TEP1: variants seen among roughly 807,000 people sequenced by gnomAD.
TEP1 encodes telomerase protein component 1.
TEP1 carries 241 observed loss-of-function variants against 306.3 expected under a neutral mutation model. That is an observed-to-expected ratio of 0.79 (90% CI 0.71 to 0.88). TEP1 has a LOEUF of 0.88. TEP1 is among the 40% of genes least tolerant of loss of function. The pLI is 0.00. For synonymous variants in TEP1, 1,289 were observed against 1,305.5 expected (o/e 0.99, Z 0.27); for missense variants, 3,051 against 3,276.1 (o/e 0.93, Z 1.68).
intron 1 of TEP1, among the ~76,000 whole-genome samples, chr14:20,412,515 A>C (rs963036555): frequency 1.3e-4 from 20 of 152,280 alleles, no homozygotes; most frequent in African/African-American, 4.8e-4. Flanking sequence ...GTTTTATACT[A>C]ACAGTTTCAC....
At chr14:20,369,959 G>T (rs1884735307) in intron 51 of TEP1, among the ~76,000 whole-genome samples, 180 bp from the exon 52 acceptor site, 1 of 150,376 alleles carries the variant, frequency 6.6e-6, no homozygotes. Flanking sequence ...TGTCGCCCAG[G>T]CTGGAGTGCA....
chr14:20,396,700 A>T lies in TEP1; in HGVS notation c.1580T>A (p.Leu527His). The T allele has an allele frequency of 6.2e-7, 1 of 1,611,396 alleles. No homozygotes were observed. Among genetic ancestry groups the T allele is most frequent in the Non-Finnish European group, 8.5e-7 (1 of 1,177,900 alleles). Residue 527 changes from leucine to histidine, a missense_variant, in exon 10 of 55, where the codon CTT becomes CAT. Leu to His is a moderately conservative substitution (Grantham distance 99, BLOSUM62 -3). This residue lies in a region of TEP1 where 1,507 missense variants were observed against 1,550.5 expected (regional missense o/e 0.97). Transcript: ENST00000262715. ...ENGKLPFMAM[L>H]RNLCNLLRVG... ...CCGCAGCAGGTTGCACAGGTTCCGA[A>T]GCATGGCCATGAAGGGAAGCTTCCC...
chr14:20,391,548 CCCAGCAT>C, intron 13 of TEP1, 44 bp downstream of exon 13: 1 of 1,570,266 alleles, frequency 6.4e-7, no homozygotes, highest in Non-Finnish European at 8.7e-7. Flanking sequence ...GCTCAGGATC[CCCAGCAT>C]TCTACCAACC....
In TEP1 at chr14:20,377,306, GA is replaced by G; in HGVS notation, c.6061del (p.Ser2021ProfsTer22). 6.2e-7 allele frequency: 1 copy of G among 1,613,664 alleles called. No homozygotes were observed. Among genetic ancestry groups the G allele is most frequent in the Non-Finnish European group, 8.5e-7 (1 of 1,179,592 alleles). On this transcript the variant is annotated frameshift_variant, in exon 41 of 55. Transcript: ENST00000262715. LOFTEE classifies it high-confidence loss of function. ...FQKPVLGLATSQELLASASED... is the reference protein window; with the variant it reads ...FQKPVLGLATXQELLASASED... ...TGAGGCAGAAGCCAAGAGCTCCTGG[GA>G]AGTGGCCAGTCCTAGCACAGGCTTC...
At chr14:20,379,855 T>G (rs1885421399) in intron 35 of TEP1, 75 bp downstream of exon 35, 2 of 1,525,046 alleles carry the variant, frequency 1.3e-6, no homozygotes, top group South Asian at 2.6e-5. Context: ...CAGGTGTGTT[T>G]GGCTCATCTA....
At chr14:20,389,802 A>G in intron 15 of TEP1, 62 bp from the exon 16 acceptor site, 2 of 1,595,438 alleles carry the variant, frequency 1.3e-6, no homozygotes, top group Non-Finnish European at 1.7e-6. Flanking sequence ...GGACATTAAG[A>G]TATGAGCTTT....
intron 7 of TEP1, among the ~76,000 whole-genome samples, chr14:20,403,159 C>CAAAAAAAA (rs61465318): frequency 1.2e-5 from 1 of 83,214 alleles, no homozygotes. Flanking sequence ...AACTTCATCT[C>CAAAAAAAA]AAAAAAAAAA....
intron 49 of TEP1, among the ~76,000 whole-genome samples, chr14:20,372,460 A>G (rs1446653197): frequency 6.6e-6 from 1 of 151,820 alleles, no homozygotes; most frequent in Non-Finnish European, 1.5e-5. Context: ...GCTGGTTTAA[A>G]TATATGCACA....
intron 43 of TEP1, 113 bp from the exon 44 acceptor site, chr14:20,374,649 C>T: frequency 3.1e-6 from 2 of 647,660 alleles, no homozygotes; most frequent in Non-Finnish European, 5.2e-6. Context: ...CCTGGGTTCT[C>T]CTGGGTTCAA....
At chr14:20,401,750 A>C (rs1172845269) in intron 7 of TEP1, among the ~76,000 whole-genome samples, 169 bp from the exon 8 acceptor site, 2 of 152,186 alleles carry the variant, frequency 1.3e-5, no homozygotes, top group East Asian at 3.9e-4. Context: ...TGGCAACAAG[A>C]GCTCCCATGG....
intron 39 of TEP1, 81 bp from the exon 40 acceptor site, chr14:20,377,834 T>C (rs1885282201): frequency 1.3e-6 from 2 of 1,560,618 alleles, no homozygotes; most frequent in African/African-American, 1.4e-5. Flanking sequence ...GCCACCCCCA[T>C]TAAAGTCCTC....
At chr14:20,396,000 G>T (rs771270391) in intron 10 of TEP1, 51 bp from the exon 11 acceptor site, 1 of 1,379,178 alleles carries the variant, frequency 7.3e-7, no homozygotes, top group African/African-American at 1.4e-5. Context: ...GGGAGTATGG[G>T]GGGCTTCAGG....
intron 9 of TEP1, among the ~76,000 whole-genome samples, chr14:20,397,452 T>C (rs1471239411): frequency 6.6e-6 from 1 of 151,972 alleles, no homozygotes; most frequent in African/African-American, 2.4e-5. Context: ...AAGGTTGCAG[T>C]GAACCGAGAT....
At position 20,383,180 on chromosome 14, in the gene TEP1, G is replaced by A. The variant is rs1876749130; in HGVS notation, c.4041C>T (p.Asn1347=). 1 of 1,599,350 alleles carries A rather than the reference G, an allele frequency of 6.3e-7. No individual in the cohort carries two copies. The highest frequency in any genetic ancestry group is 2.2e-5 in the East Asian group (1 of 44,764). Residue 1347 remains asparagine, a synonymous_variant, in exon 27 of 55, where the codon AAC becomes AAT. Coordinates refer to ENST00000262715, the MANE Select transcript of TEP1 (RefSeq NM_007110.5). ...YGKRLEESPF[N]NQMRLLLVKR... ...CCCCGGCCTAGAACCCAACCTGGTT[G>A]TTAAATGGTGACTCCTCCAGCCGCT...
At position 20,377,431 on chromosome 14, in the gene TEP1, G is replaced by GCTTA. The variant is rs750313942; in HGVS notation, c.5933_5936dup (p.Pro1980LysfsTer78). 8 of 1,614,156 alleles carry GCTTA rather than the reference G, an allele frequency of 5.0e-6. No individual in the cohort carries two copies. The South Asian group carries it at 8.8e-5, about 18-fold the overall frequency. ...CTGCACCACTCACCAATACCTTGGG[G>GCTTA]CTTAGCCAGGCCAGGGCGGACACTG... On this transcript the variant is annotated frameshift_variant, in exon 41 of 55. Coordinates refer to ENST00000262715, the MANE Select transcript of TEP1 (RefSeq NM_007110.5). LOFTEE classifies it high-confidence loss of function.
chr14:20,376,411 G>A (rs577612849), intron 41 of TEP1, 147 bp from the exon 42 acceptor site: 35 of 827,314 alleles, frequency 4.2e-5, no homozygotes, highest in Non-Finnish European at 6.5e-5. Flanking sequence ...TCACAAGGCT[G>A]TGGAGAGGCC....
chr14:20,411,350 G>A (rs1004731247), intron 1 of TEP1, among the ~76,000 whole-genome samples: 2 of 152,136 alleles, frequency 1.3e-5, no homozygotes, highest in African/African-American at 4.8e-5. Context: ...TGCACAGGCA[G>A]ATCCCTGGAA....
Position 20,381,282 on chromosome 14 carries a change from G to A in TEP1, c.4647+31C>T. 6.2e-7 allele frequency: 1 copy of A among 1,609,306 alleles called. No individual in the cohort carries two copies. ...CAGAGCAACCAAAGCACTCACTTTGGGAAAGGTGTCTATGGGGTCTAGGAA... is the reference window on the plus strand; with the variant it reads ...CAGAGCAACCAAAGCACTCACTTTGAGAAAGGTGTCTATGGGGTCTAGGAA... On this transcript the variant is annotated intron_variant, in intron 32 of 54. Coordinates refer to ENST00000262715, the MANE Select transcript of TEP1 (RefSeq NM_007110.5). This position sits in a 1 kb window ranked among gnomAD's most constrained non-coding sequence, Gnocchi z 4.0.
intron 15 of TEP1, 44 bp downstream of exon 15, chr14:20,390,637 A>G: frequency 6.3e-7 from 1 of 1,581,528 alleles, no homozygotes; most frequent in Non-Finnish European, 8.7e-7. Context: ...GTTGCAGAGG[A>G]AAATGTGGGG....
Sources: gnomAD v4.1 joint callset for allele counts (sites outside exome capture counted in the v4.1 genomes callset) on GRCh38, gnomAD v4.1.1 for gene constraint, gnomAD v4.1.1 regional missense constraint, Gnocchi (gnomAD v3.1) non-coding constraint, MANE v1.5 for transcripts, NCBI Gene and HGNC (gene_info 2026-07-23, HGNC 2026-07-21) for gene names.